Variants in SCN10A observed in about 807,000 individuals in gnomAD.
SCN10A encodes sodium voltage-gated channel alpha subunit 10.
Under a neutral mutation model 170.7 loss-of-function variants are expected in SCN10A, and 162 were observed. The observed-to-expected ratio is 0.95, with a 90% CI of 0.84 to 1.08. The LOEUF (loss-of-function observed/expected upper bound fraction) is 1.08, where lower values mean the gene tolerates loss of function less well. SCN10A is among the 50% of genes least tolerant of loss of function. SCN10A has a pLI of 0.00. For synonymous variants in SCN10A, 985 were observed against 904.6 expected, an observed-to-expected ratio of 1.09 and a Z score of -1.59; for missense variants, 2,527 against 2,436.9, an observed-to-expected ratio of 1.04 and a Z score of -0.78.
In SCN10A at chr3:38,698,491, G is replaced by T; in HGVS notation, c.4729C>A (p.Leu1577Met). 6.2e-7 allele frequency: 1 copy of T among 1,614,228 alleles called. No homozygotes were observed. The highest frequency in any genetic ancestry group is 1.3e-5 in the African/African-American group (1 of 75,064). The change falls in exon 28 of 28, where the codon CTG becomes ATG. Residue 1577 changes from leucine to methionine, a missense_variant. Transcript: ENST00000449082. Reference sequence around the variant, plus strand: ...CTGAGGATGCGGCCAATTCGGGCCAGGCGGATGACTCTGAAGAGCGTTGGG... The same window carrying T: ...CTGAGGATGCGGCCAATTCGGGCCATGCGGATGACTCTGAAGAGCGTTGGG... ...FSPTLFRVIR[L>M]ARIGRILRLI...
At chr3:38,815,534 C>T (rs1427643833) in intron 1 of SCN10A, among the ~76,000 whole-genome samples, 1 of 152,162 alleles carries the variant, frequency 6.6e-6, no homozygotes, top group Non-Finnish European at 1.5e-5. Flanking sequence ...AACTTGTTGC[C>T]TTGAGTTTAG....
chr3:38,728,451 C>G, intron 16 of SCN10A, 91 bp downstream of exon 16: 1 of 1,350,092 alleles, frequency 7.4e-7, no homozygotes, highest in Non-Finnish European at 1.0e-6. Flanking sequence ...ACAATCTGGG[C>G]ATAAAAATGC....
chr3:38,721,382 G>A (rs1374682702), intron 20 of SCN10A, among the ~76,000 whole-genome samples: 1 of 152,204 alleles, frequency 6.6e-6, no homozygotes, highest in Non-Finnish European at 1.5e-5. Flanking sequence ...AGCCCCTCAT[G>A]CCTTTGGGCT....
In SCN10A at chr3:38,697,766, C is replaced by T; in HGVS notation, c.5454G>A (p.Leu1818=). ...TKNVLGESGE[L]DSLKANMEEK... ...CCTCCATATTTGCCTTCAGAGAATC[C>T]AACTCCCCGGATTCTCCTAGGACAT... is the stretch of plus-strand genomic sequence containing the variant. Residue 1818 remains leucine, a synonymous_variant, in exon 28 of 28, where the codon TTG becomes TTA. Coordinates refer to ENST00000449082, the MANE Select transcript of SCN10A (RefSeq NM_006514.4). 1 of 1,614,050 alleles carries T rather than the reference C, an allele frequency of 6.2e-7. No homozygotes were observed. The highest frequency in any genetic ancestry group is 8.5e-7 in the Non-Finnish European group (1 of 1,180,012).
intron 1 of SCN10A, among the ~76,000 whole-genome samples, chr3:38,795,365 CAG>C (rs1428968023): frequency 1.6e-5 from 2 of 123,952 alleles, no homozygotes; most frequent in Non-Finnish European, 3.3e-5. Flanking sequence ...TTTTTTGAGA[CAG>C]GGTATCACTG....
chr3:38,746,100 T>TATATCTA (rs71085336), intron 13 of SCN10A, among the ~76,000 whole-genome samples: 8 of 99,818 alleles, frequency 8.0e-5, no homozygotes, highest in East Asian at 3.5e-4. Flanking sequence ...TATATATATA[T>TATATCTA]GCCATCTTTG....
chr3:38,734,133 T>C (rs538289254), intron 15 of SCN10A, among the ~76,000 whole-genome samples: 1 of 152,338 alleles, frequency 6.6e-6, no homozygotes, highest in South Asian at 2.1e-4. Flanking sequence ...GCAATTCTCA[T>C]GCCTCACCCT....
At chr3:38,766,974 A>C (rs1444318593) in intron 5 of SCN10A, among the ~76,000 whole-genome samples, 1 of 151,758 alleles carries the variant, frequency 6.6e-6, no homozygotes, top group African/African-American at 2.4e-5. Flanking sequence ...GTATATTTCC[A>C]GGAATTTATT....
chr3:38,791,451 A>G (rs2064280008), intron 3 of SCN10A, among the ~76,000 whole-genome samples: 1 of 152,178 alleles, frequency 6.6e-6, no homozygotes, highest in Non-Finnish European at 1.5e-5. Flanking sequence ...ACATCAGATT[A>G]TTGACATTTT....
intron 4 of SCN10A, among the ~76,000 whole-genome samples, chr3:38,773,706 T>C (rs1300278563): frequency 6.6e-6 from 1 of 152,212 alleles, no homozygotes; most frequent in South Asian, 2.1e-4. Flanking sequence ...GTAAACAGTG[T>C]TTACTTAGCA....
chr3:38,727,854 G>A (rs920400690), intron 16 of SCN10A, among the ~76,000 whole-genome samples: 1 of 152,168 alleles, frequency 6.6e-6, no homozygotes, highest in African/African-American at 2.4e-5. Context: ...GGGCCAGGCT[G>A]GGGCGGAGAA....
At chr3:38,799,911 C>T (rs980291277) in intron 1 of SCN10A, among the ~76,000 whole-genome samples, 1 of 152,018 alleles carries the variant, frequency 6.6e-6, no homozygotes, top group African/African-American at 2.4e-5. Context: ...AAAATCTTGT[C>T]CTAAGATATG....
intron 1 of SCN10A, among the ~76,000 whole-genome samples, chr3:38,803,543 C>T (rs1197722932): frequency 2.6e-5 from 4 of 151,274 alleles, no homozygotes; most frequent in Admixed American, 6.6e-5. Flanking sequence ...AGCAAACTAT[C>T]GCAAGGACAA....
intron 5 of SCN10A, among the ~76,000 whole-genome samples, chr3:38,765,127 T>C (rs1436821288): frequency 6.6e-6 from 1 of 152,220 alleles, no homozygotes; most frequent in Non-Finnish European, 1.5e-5. Flanking sequence ...GCTGGAAGCA[T>C]AGATAACAAA....
intron 1 of SCN10A, among the ~76,000 whole-genome samples, chr3:38,798,392 C>T (rs560018846): frequency 1.4e-4 from 21 of 152,260 alleles, no homozygotes; most frequent in Admixed American, 1.0e-3. Flanking sequence ...TGCTGGTGAC[C>T]TCTGGTCTAG....
intron 13 of SCN10A, among the ~76,000 whole-genome samples, chr3:38,749,196 C>T (rs987198216): frequency 8.5e-5 from 13 of 152,194 alleles, no homozygotes; most frequent in African/African-American, 2.9e-4. Flanking sequence ...CCACTTCTTC[C>T]CCTCAAATTA....
chr3:38,739,970 A>T (rs2063614138), intron 14 of SCN10A, among the ~76,000 whole-genome samples: 1 of 152,194 alleles, frequency 6.6e-6, no homozygotes, highest in South Asian at 2.1e-4. Context: ...TCATTATTAT[A>T]ATATCATTTT....
At chr3:38,729,176 A>G (rs960111240) in intron 15 of SCN10A, among the ~76,000 whole-genome samples, 2 of 151,730 alleles carry the variant, frequency 1.3e-5, no homozygotes, top group African/African-American at 2.4e-5. Flanking sequence ...TGCGATCTGT[A>G]CTCTGTTCTA....
At chr3:38,719,412 G>A (rs1288951456) in intron 20 of SCN10A, among the ~76,000 whole-genome samples, 1 of 57,098 alleles carries the variant, frequency 1.8e-5, no homozygotes, top group East Asian at 5.0e-4. Context: ...TTTTTTTTTT[G>A]AGACGGAGTC....
Sources: gnomAD v4.1 joint callset for allele counts (sites outside exome capture counted in the v4.1 genomes callset) on GRCh38, gnomAD v4.1.1 for gene constraint, MANE v1.5 for transcripts, NCBI Gene and HGNC (gene_info 2026-07-23, HGNC 2026-07-21) for gene names.